Variants in THRB observed in about 807,000 individuals in gnomAD.
The protein encoded by THRB is nuclear receptor subfamily 1 group A member 2.
Under a neutral mutation model 47.8 loss-of-function variants are expected in THRB, and 12 were observed. The ratio of observed to expected loss-of-function variants is 0.25; its 90% CI spans 0.16 to 0.41. The LOEUF is 0.41. Among genes scored for constraint, THRB ranks in the 10% least tolerant of loss-of-function variants. The pLI is 1.00. For missense variants in THRB, 348 were observed against 589.2 expected, an observed-to-expected ratio of 0.59 and a Z score of 4.24; for synonymous variants, 218 against 212.2, an observed-to-expected ratio of 1.03 and a Z score of -0.24.
At chr3:24,209,173 G>T (rs111748154) in intron 4 of THRB, among the ~76,000 whole-genome samples, 28,073 of 152,158 alleles carry the variant, frequency 0.18, 2,788 homozygotes, top group Non-Finnish European at 0.22. Context: ...ATCATTAAAA[G>T]GTCAGGAAAC....
Position 24,119,723 on chromosome 3 carries a change from G to C in THRB, c.*3161C>G, listed in dbSNP as rs1343722392. ...GCATCAACAGGTCAAGCGCGTCATT[G>C]AGGACCGAGGCTCTAGAAAAAGCTC... On this transcript the variant is annotated 3_prime_UTR_variant, in exon 11 of 11. Transcript: ENST00000646209. The C allele has an allele frequency of 6.6e-6, 1 of 152,250 alleles. No homozygotes were observed. The highest frequency in any genetic ancestry group is 1.9e-4 in the East Asian group (1 of 5,190). 9.4% of individuals were successfully genotyped at this position (152,250 alleles called of 1,614,324 possible).
chr3:24,447,498 G>A (rs2072213553), intron 1 of THRB, among the ~76,000 whole-genome samples: 1 of 152,084 alleles, frequency 6.6e-6, no homozygotes, highest in Non-Finnish European at 1.5e-5. Context: ...ATCGTGTCCT[G>A]TTAATATATT....
intron 3 of THRB, among the ~76,000 whole-genome samples, chr3:24,280,529 C>T (rs565819103): frequency 6.6e-6 from 1 of 152,260 alleles, no homozygotes; most frequent in South Asian, 2.1e-4. Context: ...AAGCAGAGCG[C>T]CTCTCCTCCT....
At chr3:24,411,039 T>C (rs946883621) in intron 1 of THRB, among the ~76,000 whole-genome samples, 3 of 151,842 alleles carry the variant, frequency 2.0e-5, no homozygotes, top group African/African-American at 7.2e-5. Context: ...CTCTTTCTTT[T>C]GACCATTGGC....
chr3:24,278,162 T>C (rs1325635399), intron 3 of THRB, among the ~76,000 whole-genome samples: 1 of 152,220 alleles, frequency 6.6e-6, no homozygotes, highest in Non-Finnish European at 1.5e-5. Context: ...AGATTTGTAA[T>C]GCCTTGCAAG....
intron 2 of THRB, among the ~76,000 whole-genome samples, chr3:24,314,749 T>A (rs1263693733): frequency 6.6e-6 from 1 of 152,202 alleles, no homozygotes; most frequent in Non-Finnish European, 1.5e-5. Context: ...ACCTTCAGCC[T>A]CTACAGAGCC....
chr3:24,405,526 T>G (rs1425908435), intron 1 of THRB, among the ~76,000 whole-genome samples: 2 of 151,910 alleles, frequency 1.3e-5, no homozygotes. Context: ...TAATACTACT[T>G]TATATATTTA....
At chr3:24,283,784 C>A (rs1273889762) in intron 3 of THRB, among the ~76,000 whole-genome samples, 5 of 151,760 alleles carry the variant, frequency 3.3e-5, no homozygotes, top group South Asian at 2.1e-4. Flanking sequence ...TTCTTATACA[C>A]CAGTAACAGA....
At chr3:24,453,562 G>T (rs2072879353) in intron 1 of THRB, among the ~76,000 whole-genome samples, 1 of 152,106 alleles carries the variant, frequency 6.6e-6, no homozygotes, top group Non-Finnish European at 1.5e-5. Context: ...GGTCGTCTTG[G>T]TTCTGTTTCT....
At chr3:24,174,837 A>C (rs923847551) in intron 5 of THRB, among the ~76,000 whole-genome samples, 1 of 152,186 alleles carries the variant, frequency 6.6e-6, no homozygotes, top group Non-Finnish European at 1.5e-5. Context: ...AGAGATAAGG[A>C]AACTGAGACT....
rs1386094483 is a variant in THRB at position 24,190,059 on chromosome 3, T to C, written c.283+15A>G. ...GTTGAAACACATGATAATGGGCTAA[T>C]AAAAATCTGGTTACCTTTACATTTC... On this transcript the variant is annotated intron_variant, in intron 5 of 10. Transcript: ENST00000646209. 2.0e-5 allele frequency: 32 copies of C among 1,613,602 alleles called. No individual in the cohort carries two copies. Among genetic ancestry groups the C allele is most frequent in the East Asian group, 1.1e-4 (5 of 44,892 alleles).
At chr3:24,198,967 A>G (rs1481054581) in intron 4 of THRB, among the ~76,000 whole-genome samples, 1 of 152,182 alleles carries the variant, frequency 6.6e-6, no homozygotes, top group Non-Finnish European at 1.5e-5. Flanking sequence ...ATTTTGTACA[A>G]GGTAGCTGAA....
chr3:24,409,220 A>G (rs1231326376), intron 1 of THRB, among the ~76,000 whole-genome samples: 1 of 151,888 alleles, frequency 6.6e-6, no homozygotes, highest in Non-Finnish European at 1.5e-5. Context: ...TGAAAACTAA[A>G]GATAAAGGCC....
intron 3 of THRB, among the ~76,000 whole-genome samples, chr3:24,281,841 C>A (rs1221895178): frequency 1.3e-5 from 2 of 151,170 alleles, no homozygotes; most frequent in African/African-American, 2.4e-5. Flanking sequence ...ACAAAGAAGG[C>A]CATTATTTAA....
chr3:24,452,099 T>C (rs1226934395), intron 1 of THRB, among the ~76,000 whole-genome samples: 1 of 152,144 alleles, frequency 6.6e-6, no homozygotes, highest in Admixed American at 6.5e-5. Flanking sequence ...GAAAGAGTCT[T>C]GGGGGCTGGG....
intron 2 of THRB, among the ~76,000 whole-genome samples, chr3:24,303,123 C>G (rs770936360): frequency 6.6e-6 from 1 of 152,060 alleles, no homozygotes; most frequent in Non-Finnish European, 1.5e-5. Context: ...ACCCCTGAAA[C>G]AAAGATGAAT....
chr3:24,137,005 G>A (rs1002338060), intron 8 of THRB, among the ~76,000 whole-genome samples: 5 of 152,136 alleles, frequency 3.3e-5, no homozygotes, highest in Non-Finnish European at 7.3e-5. Context: ...TCTTCTCCTA[G>A]ATGTTTTCCC....
At chr3:24,379,776 A>T (rs1052360007) in intron 1 of THRB, among the ~76,000 whole-genome samples, 4 of 152,146 alleles carry the variant, frequency 2.6e-5, no homozygotes, top group African/African-American at 9.7e-5. Context: ...CTACAACTCA[A>T]CAGTTCACAG....
intron 8 of THRB, among the ~76,000 whole-genome samples, chr3:24,141,856 G>A (rs2035496490): frequency 1.3e-5 from 2 of 152,212 alleles, no homozygotes; most frequent in South Asian, 4.1e-4. Flanking sequence ...CCATTTATGG[G>A]TGACACATTT....
Sources: allele counts gnomAD v4.1 joint callset (sites outside exome capture counted in the v4.1 genomes callset), GRCh38; gene constraint gnomAD v4.1.1; transcripts MANE v1.5; gene names NCBI Gene and HGNC (gene_info 2026-07-23, HGNC 2026-07-21).